MACROD2: variants seen among roughly 807,000 people sequenced by gnomAD.
The protein encoded by MACROD2 is mono-ADP ribosylhydrolase 2.
Under a neutral mutation model 70.4 loss-of-function variants are expected in MACROD2, and 36 were observed. The ratio of observed to expected loss-of-function variants is 0.51; its 90% CI spans 0.39 to 0.68. The LOEUF is 0.68. Ranked by LOEUF, MACROD2 falls within the 30% of genes least tolerant of loss-of-function variation. The pLI, the probability that MACROD2 is intolerant of heterozygous loss-of-function variation, is 0.00. For missense variants in MACROD2, 496 were observed against 538.4 expected (o/e 0.92, Z 0.78); for synonymous variants, 172 against 178.8 (o/e 0.96, Z 0.30).
At chr20:14,328,028 A>G (rs2082766998) in intron 3 of MACROD2, among the ~76,000 whole-genome samples, 1 of 152,030 alleles carries the variant, frequency 6.6e-6, no homozygotes, top group Admixed American at 6.6e-5. Context: ...TATTAGGCAA[A>G]AACTATACAG....
chr20:14,565,976 G>T (rs1224245355), intron 4 of MACROD2, among the ~76,000 whole-genome samples: 1 of 151,830 alleles, frequency 6.6e-6, no homozygotes, highest in Non-Finnish European at 1.5e-5. Context: ...TTTGGACATG[G>T]CTCCTTTATT....
intron 8 of MACROD2, among the ~76,000 whole-genome samples, chr20:15,572,085 A>AC (rs1326326546): frequency 6.6e-6 from 1 of 152,098 alleles, no homozygotes; most frequent in Non-Finnish European, 1.5e-5. Flanking sequence ...GTTGGTAAAC[A>AC]CCCCTTTCAC....
At chr20:14,528,130 A>G (rs917504881) in intron 4 of MACROD2, among the ~76,000 whole-genome samples, 20 of 144,994 alleles carry the variant, frequency 1.4e-4, no homozygotes, top group African/African-American at 4.6e-4. Flanking sequence ...TTTTTTTGAG[A>G]TGGAGTTTCA....
Position 15,052,949 on chromosome 20 carries a change from G to A in MACROD2, c.419-176991G>A, listed in dbSNP as rs2075454420. On this transcript the variant is annotated intron_variant, in intron 5 of 17. Coordinates refer to ENST00000684519, the MANE Select transcript of MACROD2 (RefSeq NM_001351661.2). ...GTGAAACAGCTTTATGGGAGATATG[G>A]AGAAAGTTTTAGTGGTCTGGACAGA... Among the ~76,000 whole-genome samples, 4 of 152,214 alleles carry A rather than the reference G, an allele frequency of 2.6e-5. No individual in the cohort carries two copies. The South Asian group carries it at 8.3e-4, about 32-fold the overall frequency.
rs569141039 is a variant in MACROD2 at position 15,118,249 on chromosome 20, G to C, written c.419-111691G>C. Among the ~76,000 whole-genome samples the C allele has an allele frequency of 8.1e-5, 12 of 148,424 alleles. No homozygotes were observed. In the South Asian group the frequency reaches 2.3e-3, roughly 29 times the overall value. ...CGCCCTGTTACCAGGCTGGAGTGCA[G>C]TGTTGTGATCTCGGCTCACTGCAAC... On this transcript the variant is annotated intron_variant, in intron 5 of 17. Coordinates refer to ENST00000684519, the MANE Select transcript of MACROD2 (RefSeq NM_001351661.2).
chr20:16,016,197 T>C (rs1487374089), intron 15 of MACROD2, among the ~76,000 whole-genome samples: 1 of 152,186 alleles, frequency 6.6e-6, no homozygotes, highest in Non-Finnish European at 1.5e-5. Flanking sequence ...CTTGATTTGA[T>C]TAGAAGTAAC....
In MACROD2 at chr20:15,191,029, A is replaced by T. The variant is rs190787301; in HGVS notation, c.419-38911A>T. ...TTGGTCAGCAAGGCCGCAGTGCCAAATTATCAAAAATATAGAAAACTGTAT... is the reference window on the plus strand; with the variant it reads ...TTGGTCAGCAAGGCCGCAGTGCCAATTTATCAAAAATATAGAAAACTGTAT... On this transcript the variant is annotated intron_variant, in intron 5 of 17. Transcript: ENST00000684519. Among the ~76,000 whole-genome samples the T allele has an allele frequency of 1.6e-3, 240 of 152,328 alleles. 1 individual carries two copies. The highest frequency in any genetic ancestry group is 5.6e-3 in the African/African-American group (232 of 41,584).
chr20:15,499,947 C>A, intron 8 of MACROD2, 100 bp downstream of exon 8: 3 of 1,130,986 alleles, frequency 2.7e-6, no homozygotes, highest in Non-Finnish European at 2.6e-6. Flanking sequence ...TCAACTACAC[C>A]TAGTCATTGA....
At chr20:15,873,744 G>A (rs1362283010) in intron 9 of MACROD2, among the ~76,000 whole-genome samples, 1 of 151,914 alleles carries the variant, frequency 6.6e-6, no homozygotes, top group African/African-American at 2.4e-5. Flanking sequence ...AAAGTCCGAA[G>A]GTTTAAAAAT....
At chr20:15,312,904 TA>T (rs1201833642) in intron 6 of MACROD2, among the ~76,000 whole-genome samples, 2 of 152,170 alleles carry the variant, frequency 1.3e-5, no homozygotes, top group African/African-American at 2.4e-5. Flanking sequence ...ACATATATAA[TA>T]AAAAATGATT....
At position 14,764,731 on chromosome 20, in the gene MACROD2, G is replaced by A. The variant is rs766342944; in HGVS notation, c.418+79772G>A. On this transcript the variant is annotated intron_variant, in intron 5 of 17. Coordinates refer to ENST00000684519, the MANE Select transcript of MACROD2 (RefSeq NM_001351661.2). ...AGTACTGCTGAGCTTAGAAGGGGAA[G>A]AGAATGTGAGAGTTCAGAATCTATG... Among the ~76,000 whole-genome samples the A allele has an allele frequency of 6.6e-5, 10 of 152,154 alleles. 1 individual carries two copies. Among genetic ancestry groups the A allele is most frequent in the Non-Finnish European group, 1.0e-4 (7 of 68,036 alleles).
chr20:15,951,352 AAG>A (rs1289133782), intron 12 of MACROD2, among the ~76,000 whole-genome samples: 6 of 91,936 alleles, frequency 6.5e-5, no homozygotes, highest in Non-Finnish European at 7.8e-5. Context: ...CACACACACA[AAG>A]AGAGAGAGAG....
At chr20:14,365,133 A>C (rs1393954371) in intron 3 of MACROD2, among the ~76,000 whole-genome samples, 2 of 152,020 alleles carry the variant, frequency 1.3e-5, no homozygotes, top group East Asian at 3.8e-4. Context: ...TTGATTACTG[A>C]CTTAATCTCT....
intron 3 of MACROD2, among the ~76,000 whole-genome samples, chr20:14,319,849 T>C (rs771402917): frequency 9.2e-5 from 14 of 152,282 alleles, no homozygotes; most frequent in South Asian, 2.1e-4. Context: ...AGTTCTCCTT[T>C]GGCACCTCTT....
rs149785570 is a variant in MACROD2, at chr20:14,644,593, A to G, written c.302-40250A>G. On this transcript the variant is annotated intron_variant, in intron 4 of 17. Coordinates refer to ENST00000684519, the MANE Select transcript of MACROD2 (RefSeq NM_001351661.2). ...GCCAAAACTCTCTGGATAAATGTCT[A>G]TGAGAGCCAAGGCTCCATTTTACTT... 3.2e-4 allele frequency among the ~76,000 whole-genome samples: 48 copies of G among 152,298 alleles called. 1 individual carries two copies. In the East Asian group the frequency reaches 8.5e-3, roughly 27 times the overall value.
At chr20:14,841,881 C>T (rs1460705657) in intron 5 of MACROD2, among the ~76,000 whole-genome samples, 1 of 151,944 alleles carries the variant, frequency 6.6e-6, no homozygotes, top group African/African-American at 2.4e-5. Flanking sequence ...GAGTAGAGAC[C>T]ATGTCATTCC....
intron 8 of MACROD2, among the ~76,000 whole-genome samples, chr20:15,644,676 C>T (rs2049513773): frequency 6.6e-6 from 1 of 152,002 alleles, no homozygotes; most frequent in Non-Finnish European, 1.5e-5. Flanking sequence ...TCTATCAGAC[C>T]TAAAGAGGTT....
chr20:14,874,575 T>G (rs2073527658), intron 5 of MACROD2, among the ~76,000 whole-genome samples: 1 of 151,882 alleles, frequency 6.6e-6, no homozygotes, highest in African/African-American at 2.4e-5. Context: ...TTATCATCAT[T>G]GTGAACTATC....
chr20:14,784,792 C>T (rs543967730), intron 5 of MACROD2, among the ~76,000 whole-genome samples: 3 of 151,448 alleles, frequency 2.0e-5, no homozygotes, highest in South Asian at 2.1e-4. Flanking sequence ...TCATTGTTGC[C>T]GAAATAATAC....
Sources: gnomAD v4.1 joint callset for allele counts (sites outside exome capture counted in the v4.1 genomes callset) on GRCh38, gnomAD v4.1.1 for gene constraint, MANE v1.5 for transcripts, NCBI Gene and HGNC (gene_info 2026-07-23, HGNC 2026-07-21) for gene names.